The following FSTL3 variants were observed in gnomAD, a reference collection of about 807,000 sequenced individuals.
FSTL3 encodes follistatin-related protein 3.
Under a neutral mutation model 28.1 loss-of-function variants are expected in FSTL3, and 21 were observed. The ratio of observed to expected loss-of-function variants is 0.75; its 90% CI spans 0.53 to 1.08. The LOEUF is 1.08. Ranked by LOEUF, FSTL3 falls within the 50% of genes least tolerant of loss-of-function variation. The pLI is 0.00. For synonymous variants in FSTL3, 199 were observed against 164.2 expected (o/e 1.21, Z -1.62); for missense variants, 400 against 380.9 (o/e 1.05, Z -0.42).
intron 3 of FSTL3, chr19:680,857 T>G: frequency 4.4e-6 from 1 of 226,952 alleles, no homozygotes. Context: ...AGTGGGCCTC[T>G]GGGGGCTCAC....
intron 2 of FSTL3, among the ~76,000 whole-genome samples, chr19:678,509 T>TG (rs2031258918): frequency 8.8e-6 from 1 of 113,882 alleles, no homozygotes; most frequent in South Asian, 3.7e-4. Context: ...GTTTTTTTTT[T>TG]TTTTTTTTTT....
chr19:676,580 G>A, intron 1 of FSTL3, 54 bp downstream of exon 1: 1 of 621,094 alleles, frequency 1.6e-6, no homozygotes, highest in Non-Finnish European at 2.2e-6. Flanking sequence ...GTGGGGCTGC[G>A]CGGAATGCGG....
rs887789042 is a variant in FSTL3 at position 682,451 on chromosome 19, C to G, written c.*743C>G. On this transcript the variant is annotated 3_prime_UTR_variant, in exon 5 of 5. Coordinates refer to ENST00000166139, the MANE Select transcript of FSTL3 (RefSeq NM_005860.3). ...GGTCTAGTCTGAGTGCGTGTGGGGA[C>G]CTCAGAACACTGTGACCTTAGCCCA... The G allele has an allele frequency of 4.3e-6, 1 of 234,042 alleles. No individual in the cohort carries two copies. Among genetic ancestry groups the G allele is most frequent in the African/African-American group, 2.2e-5 (1 of 45,158 alleles). The allele number at this position is 234,042 out of a possible 1,614,324, so 14.5% of individuals were successfully genotyped here. A position where few individuals can be genotyped will look rare whatever the true frequency, so the allele number is the denominator to read the frequency against.
chr19:679,571 C>A (rs1600659408), intron 2 of FSTL3, among the ~76,000 whole-genome samples: 1 of 152,252 alleles, frequency 6.6e-6, no homozygotes. Context: ...GCCTCAGTTT[C>A]CCCATCTGTA....
intron 3 of FSTL3, 58 bp from the exon 4 acceptor site, chr19:681,275 G>A (rs1255097625): frequency 7.8e-7 from 1 of 1,283,870 alleles, no homozygotes; most frequent in Non-Finnish European, 1.1e-6. Context: ...GGGGCCAAGA[G>A]CCCTGCGGGG....
In FSTL3 at chr19:680,554, G is replaced by A. The variant is rs1466768536; in HGVS notation, c.505+65G>A. Reference sequence around the variant, plus strand: ...CTACCGGACCTGCGCGTCATGTATCGAGGCTGCTGCCGCAGTAGGCGGGGG... The same window carrying A: ...CTACCGGACCTGCGCGTCATGTATCAAGGCTGCTGCCGCAGTAGGCGGGGG... On this transcript the variant is annotated intron_variant, in intron 3 of 4. Coordinates refer to ENST00000166139, the MANE Select transcript of FSTL3 (RefSeq NM_005860.3). The A allele has an allele frequency of 4.0e-6, 4 of 992,382 alleles. No homozygotes were observed. In the East Asian group the frequency reaches 1.0e-4, roughly 25 times the overall value. The allele number at this position is 992,382 out of a possible 1,614,324, so 61.5% of individuals were successfully genotyped here.
Position 681,824 on chromosome 19 carries a change from A to G in FSTL3, c.*116A>G, listed in dbSNP as rs1445506023. ...GACACTCCTTAGAGCCCGGATTCGG[A>G]CCACTTGGGGATCCCAGAACCTCCC... On this transcript the variant is annotated 3_prime_UTR_variant, in exon 5 of 5. Transcript: ENST00000166139. 1.1e-6 allele frequency: 1 copy of G among 925,530 alleles called. No homozygotes were observed. The highest frequency in any genetic ancestry group is 1.4e-5 in the South Asian group (1 of 69,822). The allele number at this position is 925,530 out of a possible 1,614,324, so 57.3% of individuals were successfully genotyped here.
intron 2 of FSTL3, 113 bp downstream of exon 2, chr19:678,090 A>G (rs1482038638): frequency 4.2e-6 from 4 of 959,550 alleles, no homozygotes; most frequent in Non-Finnish European, 6.2e-6. Context: ...AGGGGTATGT[A>G]GGAGGCTGCA....
intron 2 of FSTL3, among the ~76,000 whole-genome samples, chr19:679,129 A>G (rs1234572203): frequency 6.6e-6 from 1 of 151,952 alleles, no homozygotes; most frequent in African/African-American, 2.4e-5. Flanking sequence ...GGAGAAGGAC[A>G]GTCTTCAAAA....
chr19:679,420 G>A (rs1266281487), intron 2 of FSTL3, among the ~76,000 whole-genome samples: 3 of 152,136 alleles, frequency 2.0e-5, no homozygotes, highest in Admixed American at 2.0e-4. Context: ...CAGAGAAACT[G>A]AGGCTGGCAC....
intron 1 of FSTL3, among the ~76,000 whole-genome samples, chr19:677,275 G>A (rs894525370): frequency 2.0e-5 from 3 of 148,674 alleles, no homozygotes; most frequent in African/African-American, 4.9e-5. Context: ...CGAAGGCCAC[G>A]TCCCTGGGGA....
Position 681,363 on chromosome 19 carries a change from C to T in FSTL3, c.536C>T (p.Pro179Leu). 4.4e-6 allele frequency: 7 copies of T among 1,584,648 alleles called. No individual in the cohort carries two copies. Among genetic ancestry groups the T allele is most frequent in the Admixed American group, 1.7e-5 (1 of 58,060 alleles). The change falls in exon 4 of 5, where the codon CCA (proline) becomes CTA (leucine). Residue 179 changes from proline (P) to leucine (L), a missense_variant. Transcript: ENST00000166139. ...TGTGAGCACGTGGTGTGCCCGCGGC[C>T]ACAGTCGTGCGTCGTGGACCAGACG... ...KSCEHVVCPR[P>L]QSCVVDQTGS... is the part of the protein sequence containing the mutation.
intron 1 of FSTL3, among the ~76,000 whole-genome samples, chr19:677,178 T>A (rs1014586317): frequency 4.0e-5 from 6 of 151,580 alleles, no homozygotes; most frequent in South Asian, 2.1e-4. Flanking sequence ...GGGGAAGAAA[T>A]GGGGGGCTCT....
At position 680,269 on chromosome 19, in the gene FSTL3, C is replaced by T. The variant is rs747682864; in HGVS notation, c.290-5C>T. 1.4e-5 allele frequency: 19 copies of T among 1,334,556 alleles called. No homozygotes were observed. In the South Asian group the frequency reaches 2.1e-4, roughly 15 times the overall value. The allele number at this position is 1,334,556 out of a possible 1,614,324, so 82.7% of individuals were successfully genotyped here. On this transcript the variant is annotated splice_region_variant and splice_polypyrimidine_tract_variant and intron_variant, in intron 2 of 4. Transcript: ENST00000166139. ...CGGCCCCACGCGCGTGTCCTCTGTC[C>T]GCAGATTCGTGCGACGGCGTGGAGT...
chr19:682,878 C>T lies in FSTL3; in HGVS notation c.*1170C>T, dbSNP rs959040892. 5 of 232,496 alleles carry T rather than the reference C, an allele frequency of 2.2e-5. No homozygotes were observed. Among genetic ancestry groups the T allele is most frequent in the Non-Finnish European group, 3.4e-5 (4 of 117,712 alleles). The allele number at this position is 232,496 out of a possible 1,614,324, so 14.4% of individuals were successfully genotyped here. Reference sequence around the variant, plus strand: ...GCCAAGACTCACGCATGTGTGACATCCGGAGTCCTGGAGCCGGGTGTCCCA... The same window carrying T: ...GCCAAGACTCACGCATGTGTGACATTCGGAGTCCTGGAGCCGGGTGTCCCA... On this transcript the variant is annotated 3_prime_UTR_variant, in exon 5 of 5. Transcript: ENST00000166139.
At position 680,337 on chromosome 19, in the gene FSTL3, G is replaced by C; in HGVS notation, c.353G>C (p.Arg118Pro). Residue 118 changes from arginine (R) to proline (P), a missense_variant, in exon 3 of 5, where the codon CGC becomes CCC. Physicochemically the swap from Arg to Pro is moderately radical, Grantham distance 103 (BLOSUM62 -2). Transcript: ENST00000166139. ...KACRMLGGRP[R>P]CECAPDCSGL... ...TGCCGCATGCTGGGGGGCCGCCCGC[G>C]CTGCGAGTGCGCGCCCGACTGCTCG... 1 of 1,281,282 alleles carries C rather than the reference G, an allele frequency of 7.8e-7. No individual in the cohort carries two copies. The highest frequency in any genetic ancestry group is 9.8e-7 in the Non-Finnish European group (1 of 1,018,858). The allele number at this position is 1,281,282 out of a possible 1,614,324, so 79.4% of individuals were successfully genotyped here.
Position 681,672 on chromosome 19 carries a change from T to A in FSTL3, c.756T>A (p.Gly252=). 6.4e-7 allele frequency: 1 copy of A among 1,570,910 alleles called. No individual in the cohort carries two copies. Among genetic ancestry groups the A allele is most frequent in the East Asian group, 2.4e-5 (1 of 42,544 alleles). The change falls in exon 5 of 5, where the codon GGT becomes GGA. Residue 252 remains glycine (G), a synonymous_variant. Coordinates refer to ENST00000166139, the MANE Select transcript of FSTL3 (RefSeq NM_005860.3). ...SCAGTPEEPP[G]GESAEEEENF... is the part of the protein sequence containing the mutation. Reference sequence around the variant, plus strand: ...CAGGCACCCCTGAGGAGCCGCCAGGTGGTGAGTCTGCAGAAGAGGAAGAGA... The same window carrying A: ...CAGGCACCCCTGAGGAGCCGCCAGGAGGTGAGTCTGCAGAAGAGGAAGAGA...
Position 677,823 on chromosome 19 carries a change from G to A in FSTL3, c.135G>A (p.Glu45=). ...TTTGCTGGCTCCAGCAGGGCCAGGA[G>A]GCCACCTGCAGCCTGGTGCTCCAGA... ...GGVCWLQQGQ[E]ATCSLVLQTD... is the part of the protein sequence containing the mutation. Residue 45 remains glutamate (E), a synonymous_variant, in exon 2 of 5, where the codon GAG becomes GAA. Transcript: ENST00000166139. 1 of 1,611,832 alleles carries A rather than the reference G, an allele frequency of 6.2e-7. No individual in the cohort carries two copies. The highest frequency in any genetic ancestry group is 8.5e-7 in the Non-Finnish European group (1 of 1,179,900).
intron 1 of FSTL3, among the ~76,000 whole-genome samples, chr19:677,389 C>T (rs927902160): frequency 1.3e-5 from 2 of 152,040 alleles, no homozygotes; most frequent in Non-Finnish European, 2.9e-5. Context: ...TGCCCTCGCC[C>T]TCGGGTGCTG....
Sources: allele counts gnomAD v4.1 joint callset (sites outside exome capture counted in the v4.1 genomes callset), GRCh38; gene constraint gnomAD v4.1.1; transcripts MANE v1.5; gene names NCBI Gene and HGNC (gene_info 2026-07-23, HGNC 2026-07-21).